Variants in TENM2 observed in about 807,000 individuals in gnomAD.
The protein encoded by TENM2 is teneurin-2.
In TENM2, 52 loss-of-function variants were observed where a neutral mutation model predicts 245.2. The observed-to-expected ratio is 0.21, with a 90% CI of 0.17 to 0.27. TENM2 has a LOEUF of 0.27. Among genes scored for constraint, TENM2 ranks in the 10% least tolerant of loss-of-function variants. The pLI is 1.00. For synonymous variants in TENM2, 1,363 were observed against 1,438.9 expected (o/e 0.95, Z 1.19); for missense variants, 3,046 against 3,666.8 (o/e 0.83, Z 4.37).
chr5:167,441,385 C>T (rs1176974067), intron 2 of TENM2, among the ~76,000 whole-genome samples: 2 of 152,088 alleles, frequency 1.3e-5, no homozygotes, highest in Non-Finnish European at 2.9e-5. Flanking sequence ...GTTTGGATTC[C>T]CTCAATTCTT....
At chr5:167,740,926 G>A (rs896112312) in intron 2 of TENM2, among the ~76,000 whole-genome samples, 4 of 152,140 alleles carry the variant, frequency 2.6e-5, no homozygotes, top group African/African-American at 9.7e-5. Flanking sequence ...CTGCAGACGT[G>A]CCAAGCTCAT....
chr5:167,433,535 T>C (rs1318344666), intron 2 of TENM2, among the ~76,000 whole-genome samples: 3 of 152,170 alleles, frequency 2.0e-5, no homozygotes, highest in Admixed American at 6.5e-5. Flanking sequence ...GAGCTACTAA[T>C]TGTTAGCTAA....
At chr5:167,423,476 C>T (rs116018027) in intron 2 of TENM2, among the ~76,000 whole-genome samples, 1,711 of 152,236 alleles carry the variant, frequency 0.011, 22 homozygotes, top group Middle Eastern at 0.02. Flanking sequence ...TTTTAGTGTT[C>T]TTAATGAACT....
chr5:168,223,002 A>G (rs1481081403), intron 23 of TENM2, among the ~76,000 whole-genome samples: 7 of 152,226 alleles, frequency 4.6e-5, no homozygotes. Context: ...TTGGGTTGGC[A>G]TTGAGATCCC....
intron 5 of TENM2, among the ~76,000 whole-genome samples, chr5:168,009,473 C>T (rs1785063901): frequency 6.6e-6 from 1 of 152,174 alleles, no homozygotes; most frequent in South Asian, 2.1e-4. Flanking sequence ...GCAGAGAGGG[C>T]TAGACATCAG....
chr5:167,176,644 A>G, the TENM2 span, among the ~76,000 whole-genome samples: 3 of 152,178 alleles, frequency 2.0e-5, no homozygotes, highest in Non-Finnish European at 2.9e-5. Flanking sequence ...AGTGGCCTCA[A>G]TCATAACCAT....
chr5:167,759,712 GT>G (rs1762537739), intron 2 of TENM2, among the ~76,000 whole-genome samples: 1 of 152,278 alleles, frequency 6.6e-6, no homozygotes, highest in Admixed American at 6.5e-5. Context: ...TAGGTGTCCA[GT>G]TTCTGGCTGG....
the TENM2 span, among the ~76,000 whole-genome samples, chr5:167,139,842 C>A: frequency 2.0e-5 from 3 of 152,092 alleles, no homozygotes; most frequent in Admixed American, 6.5e-5. Context: ...CAAAACCAAG[C>A]GTTGTAATGA....
chr5:167,932,676 A>G (rs1778376944), intron 3 of TENM2, among the ~76,000 whole-genome samples: 1 of 152,158 alleles, frequency 6.6e-6, no homozygotes, highest in African/African-American at 2.4e-5. Context: ...CTAAGCCAAG[A>G]ATCAGCAATT....
chr5:168,226,870 TTTAA>T lies in TENM2; in HGVS notation c.5284+612_5284+615del, dbSNP rs535928039. ...ATGAATTGTGCCGATTAATTTTTCT[TTTAA>T]TTAAGATATAATGTCGGTGGGCTAG... On this transcript the variant is annotated intron_variant, in intron 24 of 28. Coordinates refer to ENST00000518659, the Ensembl canonical transcript of TENM2. Among the ~76,000 whole-genome samples the T allele has an allele frequency of 7.2e-5, 11 of 152,318 alleles. No homozygotes were observed. In the South Asian group the frequency reaches 2.1e-3, roughly 29 times the overall value.
chr5:167,505,440 C>G (rs1769479117), intron 2 of TENM2, among the ~76,000 whole-genome samples: 1 of 152,018 alleles, frequency 6.6e-6, no homozygotes, highest in Non-Finnish European at 1.5e-5. Context: ...ATTTAAAGCA[C>G]AGAGACCTTA....
intron 2 of TENM2, among the ~76,000 whole-genome samples, chr5:167,758,818 T>A (rs1438353452): frequency 6.6e-6 from 1 of 152,026 alleles, no homozygotes; most frequent in Non-Finnish European, 1.5e-5. Context: ...CTTATTAAAC[T>A]CTCTCATATT....
chr5:167,818,988 C>T (rs1767290064), intron 2 of TENM2, among the ~76,000 whole-genome samples: 1 of 152,072 alleles, frequency 6.6e-6, no homozygotes, highest in Non-Finnish European at 1.5e-5. Context: ...ACAGGGCAAT[C>T]TGTATCCTTT....
chr5:168,243,861 T>C (rs375888639), intron 25 of TENM2, among the ~76,000 whole-genome samples: 211 of 152,034 alleles, frequency 1.4e-3, no homozygotes, highest in Middle Eastern at 6.8e-3. Context: ...GTCAATCATC[T>C]CTGTCCATAA....
chr5:166,993,981 G>A, the TENM2 span, among the ~76,000 whole-genome samples: 2 of 152,118 alleles, frequency 1.3e-5, no homozygotes, highest in African/African-American at 4.8e-5. Flanking sequence ...TGTGAAAGAT[G>A]ATCTTTTTTT....
chr5:167,521,744 A>G (rs534672896), intron 2 of TENM2, among the ~76,000 whole-genome samples: 14 of 152,260 alleles, frequency 9.2e-5, no homozygotes, highest in African/African-American at 3.4e-4. Context: ...TGGAATCCAA[A>G]TGTGACTTGA....
At chr5:167,713,520 G>A (rs1177519074) in intron 2 of TENM2, among the ~76,000 whole-genome samples, 1 of 151,968 alleles carries the variant, frequency 6.6e-6, no homozygotes, top group African/African-American at 2.4e-5. Flanking sequence ...CTCCATGAAT[G>A]CTGACCACAT....
intron 1 of TENM2, among the ~76,000 whole-genome samples, chr5:167,356,198 A>C (rs1759312310): frequency 1.0e-4 from 3 of 29,542 alleles, no homozygotes; most frequent in Admixed American, 1.3e-3. Flanking sequence ...AAAAAAAAAA[A>C]AAAAAAAAAA....
At chr5:167,923,315 T>A (rs1385226980) in intron 3 of TENM2, among the ~76,000 whole-genome samples, 4 of 135,932 alleles carry the variant, frequency 2.9e-5, no homozygotes, top group Non-Finnish European at 6.1e-5. Context: ...AGACTCTGTC[T>A]CCAAAAAAGA....
Sources: gnomAD v4.1 joint callset for allele counts (sites outside exome capture counted in the v4.1 genomes callset) on GRCh38, gnomAD v4.1.1 for gene constraint, MANE v1.5 for transcripts, NCBI Gene and HGNC (gene_info 2026-07-23, HGNC 2026-07-21) for gene names.